ANKRD20A1: variants seen among roughly 807,000 people sequenced by gnomAD.
ANKRD20A1 encodes ankyrin repeat domain-containing protein 20A1.
ANKRD20A1 carries 2 observed loss-of-function variants against 50.9 expected under a neutral mutation model. That is an observed-to-expected ratio of 0.04 (90% confidence interval 0.02 to 0.12). ANKRD20A1 has a LOEUF of 0.12. Among genes scored for constraint, ANKRD20A1 ranks in the 10% least tolerant of loss-of-function variants. The pLI is 1.00. For missense variants in ANKRD20A1, 31 were observed against 548.1 expected (o/e 0.06, Z 9.42); for synonymous variants, 10 against 186.2 (o/e 0.05, Z 7.70).
intron 8 of ANKRD20A1, among the ~76,000 whole-genome samples, chr9:67,881,951 C>A (rs1827806035): frequency 7.1e-6 from 1 of 140,410 alleles, no homozygotes; most frequent in South Asian, 2.5e-4. Context: ...CCTGGAGTAC[C>A]TAGAATACAG....
Position 67,898,007 on chromosome 9 carries a change from ACTT to A in ANKRD20A1, c.1316+287_1316+289del, listed in dbSNP as rs965282498. Among the ~76,000 whole-genome samples, 24 of 67,446 alleles carry A rather than the reference ACTT, an allele frequency of 3.6e-4. 3 individuals are homozygous for A. Among genetic ancestry groups the A allele is most frequent in the African/African-American group, 8.8e-4 (20 of 22,724 alleles). 44.2% of individuals were successfully genotyped at this position (67,446 alleles called of 152,430 possible). A position where few individuals can be genotyped will look rare whatever the true frequency, so the allele number is the denominator to read the frequency against. Reference sequence around the variant, plus strand: ...TAGCCAAGCTCGTCTCGAACTCCTGACTTCACGTGTTCTGCCCACCTCGGCCTC... The same window carrying A: ...TAGCCAAGCTCGTCTCGAACTCCTGACACGTGTTCTGCCCACCTCGGCCTC... On this transcript the variant is annotated intron_variant, in intron 13 of 14. Coordinates refer to ENST00000562196, the MANE Select transcript of ANKRD20A1 (RefSeq NM_032250.5).
At chr9:67,881,581 A>G (rs2131555862) in intron 8 of ANKRD20A1, among the ~76,000 whole-genome samples, 1 of 152,392 alleles carries the variant, frequency 6.6e-6, no homozygotes, top group Admixed American at 6.5e-5. Flanking sequence ...AGCCTGGCCA[A>G]CGTGGTGAAA....
chr9:67,859,656 A>T lies in ANKRD20A1; in HGVS notation c.203+27A>T. 3 of 574,352 alleles carry T rather than the reference A, an allele frequency of 5.2e-6. 1 individual carries two copies. The Admixed American group carries it at 1.1e-4, about 21-fold the overall frequency. 35.6% of individuals were successfully genotyped at this position (574,352 alleles called of 1,614,324 possible). On this transcript the variant is annotated intron_variant, in intron 1 of 14. Transcript: ENST00000562196. ...TAGCGGGGGCTCAGCCCGGGGTGGGAGGGGGCCCCCAGGCCCGGCTTCCCC... is the reference window on the plus strand; with the variant it reads ...TAGCGGGGGCTCAGCCCGGGGTGGGTGGGGGCCCCCAGGCCCGGCTTCCCC...
chr9:67,872,349 TACACAC>T lies in ANKRD20A1; in HGVS notation c.793+1140_793+1145del, dbSNP rs1220996202. ...CTGTCATAGTTTACATACATACACA[TACACAC>T]ACGCACATGTGCACACACCTGTGCA... On this transcript the variant is annotated intron_variant, in intron 6 of 14. Coordinates refer to ENST00000562196, the MANE Select transcript of ANKRD20A1 (RefSeq NM_032250.5). Among the ~76,000 whole-genome samples, 14 of 134,240 alleles carry T rather than the reference TACACAC, an allele frequency of 1.0e-4. 4 individuals carry two copies. Among genetic ancestry groups the T allele is most frequent in the African/African-American group, 3.0e-4 (11 of 36,208 alleles). The allele number at this position is 134,240 out of a possible 152,430, so 88.1% of individuals were successfully genotyped here.
chr9:67,871,688 G>A (rs879313679), intron 6 of ANKRD20A1, among the ~76,000 whole-genome samples: 1 of 128,444 alleles, frequency 7.8e-6, no homozygotes, highest in African/African-American at 2.9e-5. Flanking sequence ...GTGGGGGTGA[G>A]GGACTCTGAT....
At chr9:67,882,004 G>T (rs373625509) in intron 8 of ANKRD20A1, among the ~76,000 whole-genome samples, 12,807 of 123,598 alleles carry the variant, frequency 0.1, 17 homozygotes, top group East Asian at 0.21. Context: ...TTTTGAGATG[G>T]GGTTTCACTC....
At chr9:67,881,651 C>T (rs1176025427) in intron 8 of ANKRD20A1, among the ~76,000 whole-genome samples, 17 of 152,380 alleles carry the variant, frequency 1.1e-4, no homozygotes, top group African/African-American at 3.8e-4. Context: ...AAAAATTAAC[C>T]AGGCGTGATG....
chr9:67,882,552 C>T (rs1373607532), intron 8 of ANKRD20A1, among the ~76,000 whole-genome samples: 1 of 150,056 alleles, frequency 6.7e-6, no homozygotes, highest in African/African-American at 2.4e-5. Context: ...GGAATCTTAA[C>T]ATTGAGATTT....
intron 12 of ANKRD20A1, among the ~76,000 whole-genome samples, chr9:67,893,927 C>T (rs1204851589): frequency 6.6e-6 from 1 of 152,290 alleles, no homozygotes; most frequent in Non-Finnish European, 1.5e-5. Flanking sequence ...GTCATCATTG[C>T]CAGTGGTTCA....
chr9:67,884,752 T>G (rs1283969389), intron 9 of ANKRD20A1, among the ~76,000 whole-genome samples, 182 bp downstream of exon 9: 3 of 150,638 alleles, frequency 2.0e-5, no homozygotes, highest in African/African-American at 7.3e-5. Flanking sequence ...TAGCCAGGTG[T>G]TGTTGTGGGC....
At chr9:67,881,533 G>A (rs200088697) in intron 8 of ANKRD20A1, among the ~76,000 whole-genome samples, 8,979 of 105,620 alleles carry the variant, frequency 0.085, no homozygotes, top group Admixed American at 0.11. Flanking sequence ...TTTGGAGGCC[G>A]AGGTCGGTAG....
rs1220745167 is a variant in ANKRD20A1, at chr9:67,881,720, G to A, written c.894+1175G>A. Among the ~76,000 whole-genome samples, 12 of 151,662 alleles carry A rather than the reference G, an allele frequency of 7.9e-5. No individual in the cohort carries two copies. The East Asian group carries it at 1.0e-3, about 13-fold the overall frequency. ...CAAGGTGGGAGAATCGCTTGAACCC[G>A]GGAGGCGGAGGTTGCAGTGAGCCAA... is the stretch of plus-strand genomic sequence containing the variant. On this transcript the variant is annotated intron_variant, in intron 8 of 14. Coordinates refer to ENST00000562196, the MANE Select transcript of ANKRD20A1 (RefSeq NM_032250.5).
chr9:67,883,945 ACTCCTTT>A (rs1827833064), intron 8 of ANKRD20A1, among the ~76,000 whole-genome samples: 1 of 43,416 alleles, frequency 2.3e-5, no homozygotes, highest in South Asian at 1.2e-3. Flanking sequence ...ATCATGCCTG[ACTCCTTT>A]TGGTATTTTT....
intron 11 of ANKRD20A1, among the ~76,000 whole-genome samples, chr9:67,891,171 G>A (rs1223146384): frequency 1.1e-5 from 1 of 88,498 alleles, no homozygotes; most frequent in Non-Finnish European, 2.4e-5. Context: ...GCACATACCT[G>A]TAATTCCAGC....
At chr9:67,871,613 T>C (rs1827648080) in intron 6 of ANKRD20A1, among the ~76,000 whole-genome samples, 1 of 137,330 alleles carries the variant, frequency 7.3e-6, no homozygotes, top group Non-Finnish European at 1.6e-5. Context: ...GGATCTTCGA[T>C]TTCATTTTTA....
chr9:67,865,248 A>C (rs1260841596), intron 3 of ANKRD20A1, among the ~76,000 whole-genome samples: 1 of 148,726 alleles, frequency 6.7e-6, no homozygotes, highest in Non-Finnish European at 1.5e-5. Flanking sequence ...GTTAATAAGA[A>C]TATAGATAGG....
chr9:67,898,505 A>G (rs1210047659), intron 13 of ANKRD20A1, among the ~76,000 whole-genome samples: 2 of 114,452 alleles, frequency 1.7e-5, no homozygotes, highest in African/African-American at 2.8e-5. Context: ...ATTATATATT[A>G]CACATAATGA....
intron 3 of ANKRD20A1, among the ~76,000 whole-genome samples, chr9:67,865,725 G>GCGT (rs1264964770): frequency 8.6e-6 from 1 of 116,626 alleles, no homozygotes; most frequent in Non-Finnish European, 1.8e-5. Flanking sequence ...ATAGAAGGCA[G>GCGT]GTATTCTCCA....
chr9:67,882,891 G>T (rs1454966380), intron 8 of ANKRD20A1, among the ~76,000 whole-genome samples: 4 of 150,696 alleles, frequency 2.7e-5, no homozygotes, highest in South Asian at 2.1e-4. Context: ...GCAGTGTTTG[G>T]TTTTTTGTCC....
Sources: gnomAD v4.1 joint callset for allele counts (sites outside exome capture counted in the v4.1 genomes callset) on GRCh38, gnomAD v4.1.1 for gene constraint, MANE v1.5 for transcripts, NCBI Gene and HGNC (gene_info 2026-07-23, HGNC 2026-07-21) for gene names.